The following ANKS1B variants were observed in gnomAD, a reference collection of about 807,000 sequenced individuals.
The protein encoded by ANKS1B is ankyrin repeat and sterile alpha motif domain containing 1B.
A neutral mutation model predicts 148.3 loss-of-function variants in ANKS1B; 36 were observed. The observed-to-expected ratio is 0.24, with a 90% CI of 0.19 to 0.32. The LOEUF is 0.32. Among genes scored for constraint, ANKS1B ranks in the 10% least tolerant of loss-of-function variants. The pLI, the probability that ANKS1B is intolerant of heterozygous loss-of-function variation, is 1.00. For missense variants in ANKS1B, 1,157 were observed against 1,542.6 expected, an observed-to-expected ratio of 0.75 and a Z score of 4.19; for synonymous variants, 542 against 560.8, an observed-to-expected ratio of 0.97 and a Z score of 0.47.
At chr12:99,066,772 C>A (rs1366938883) in intron 16 of ANKS1B, among the ~76,000 whole-genome samples, 1 of 152,138 alleles carries the variant, frequency 6.6e-6, no homozygotes, top group Non-Finnish European at 1.5e-5. Context: ...TGACGGTAGA[C>A]CAGCATAATT....
intron 17 of ANKS1B, among the ~76,000 whole-genome samples, chr12:98,863,307 G>A (rs2099608835): frequency 6.6e-6 from 1 of 152,180 alleles, no homozygotes; most frequent in African/African-American, 2.4e-5. Flanking sequence ...CAGCTCGGCT[G>A]GATCCCAGCT....
intron 1 of ANKS1B, among the ~76,000 whole-genome samples, chr12:99,855,461 G>T (rs1457931778): frequency 6.6e-6 from 1 of 152,040 alleles, no homozygotes; most frequent in Non-Finnish European, 1.5e-5. Flanking sequence ...GTCAATAACA[G>T]TGGGAAACTT....
chr12:99,859,357 G>T (rs898469414), intron 1 of ANKS1B, among the ~76,000 whole-genome samples: 1 of 152,146 alleles, frequency 6.6e-6, no homozygotes, highest in Non-Finnish European at 1.5e-5. Context: ...TCCACTGAGT[G>T]GTGTTCCAAG....
chr12:99,458,802 T>C (rs569041303), intron 10 of ANKS1B, among the ~76,000 whole-genome samples: 30 of 151,708 alleles, frequency 2.0e-4, no homozygotes, highest in Admixed American at 9.8e-4. Flanking sequence ...CAGGACCAGA[T>C]AGATACACAG....
chr12:99,573,624 T>C (rs1179785156), intron 9 of ANKS1B, among the ~76,000 whole-genome samples: 1 of 152,074 alleles, frequency 6.6e-6, no homozygotes, highest in East Asian at 1.9e-4. Context: ...TTTCCTACTC[T>C]TTATGATGAC....
chr12:99,808,724 C>A (rs951969480), intron 3 of ANKS1B, among the ~76,000 whole-genome samples: 1 of 152,050 alleles, frequency 6.6e-6, no homozygotes, highest in East Asian at 1.9e-4. Context: ...CAAATTTCCC[C>A]CTGGTCTGAA....
chr12:99,955,520 AAAAAAAAAG>A, intron 1 of ANKS1B, among the ~76,000 whole-genome samples: 1 of 145,936 alleles, frequency 6.9e-6, no homozygotes, highest in Non-Finnish European at 1.5e-5. Context: ...AAAAAAAAAA[AAAAAAAAAG>A]GCCTTCTCCT....
intron 9 of ANKS1B, among the ~76,000 whole-genome samples, chr12:99,620,790 T>C (rs1054701492): frequency 3.9e-5 from 6 of 152,124 alleles, no homozygotes; most frequent in African/African-American, 1.2e-4. Context: ...ATTATTGGCA[T>C]TGATGAGAGA....
intron 14 of ANKS1B, among the ~76,000 whole-genome samples, chr12:99,206,712 T>C (rs2082713769): frequency 6.6e-6 from 1 of 152,190 alleles, no homozygotes; most frequent in Non-Finnish European, 1.5e-5. Flanking sequence ...AATGTTTTCT[T>C]TGCCCCATTC....
chr12:99,323,277 C>T (rs916420346), intron 12 of ANKS1B, among the ~76,000 whole-genome samples: 10 of 152,188 alleles, frequency 6.6e-5, no homozygotes, highest in Non-Finnish European at 1.5e-4. Context: ...TATCCACTTC[C>T]ATTACAACGG....
At chr12:99,886,774 CAT>C (rs1370332905) in intron 1 of ANKS1B, among the ~76,000 whole-genome samples, 3 of 152,294 alleles carry the variant, frequency 2.0e-5, no homozygotes, top group East Asian at 1.9e-4. Context: ...AATACATCTA[CAT>C]ATGAGTCTAC....
At chr12:98,758,049 G>A (rs566320959) in intron 25 of ANKS1B, among the ~76,000 whole-genome samples, 5 of 152,180 alleles carry the variant, frequency 3.3e-5, no homozygotes, top group Middle Eastern at 3.4e-3. Context: ...AATACCATAC[G>A]CAGTACCCCC....
intron 1 of ANKS1B, among the ~76,000 whole-genome samples, chr12:99,869,410 A>C (rs544475259): frequency 6.6e-6 from 1 of 152,226 alleles, no homozygotes; most frequent in Admixed American, 6.5e-5. Context: ...ACGGTGGCTC[A>C]CGCCTGTAAT....
At chr12:98,785,424 C>G (rs970838047) in intron 22 of ANKS1B, among the ~76,000 whole-genome samples, 1 of 152,024 alleles carries the variant, frequency 6.6e-6, no homozygotes, top group Non-Finnish European at 1.5e-5. Flanking sequence ...GAGCCAAGAT[C>G]GCGCCACTGC....
chr12:99,044,213 A>AT lies in ANKS1B; in HGVS notation c.2778+8943dup, dbSNP rs879365227. Among the ~76,000 whole-genome samples the AT allele has an allele frequency of 3.4e-3, 502 of 148,338 alleles. 9 individuals are homozygous for AT. In the East Asian group the frequency reaches 0.064, roughly 19 times the overall value. ...TTAACAGAAATATAGCTGGATTAAAATTTTTTTTTTTTAGCAACAGGCTCT... is the reference window on the plus strand; with the variant it reads ...TTAACAGAAATATAGCTGGATTAAAATTTTTTTTTTTTTAGCAACAGGCTCT... On this transcript the variant is annotated intron_variant, in intron 17 of 26. Coordinates refer to ENST00000683438, the MANE Select transcript of ANKS1B (RefSeq NM_001352186.2).
In ANKS1B at chr12:99,311,125, G is replaced by A. The variant is rs4262807; in HGVS notation, c.1757-64261C>T. ...TGTATTAGAAAATGTATTTTCAGGT[G>A]GAACTATTACAAATTTCACCATTTC... On this transcript the variant is annotated intron_variant, in intron 12 of 26. Transcript: ENST00000683438. 3.3e-3 allele frequency among the ~76,000 whole-genome samples: 509 copies of A among 152,178 alleles called. 33 individuals are homozygous for A. In the East Asian group the frequency reaches 0.083, roughly 25 times the overall value.
chr12:99,086,972 C>T (rs2052085573), intron 15 of ANKS1B, among the ~76,000 whole-genome samples: 1 of 152,242 alleles, frequency 6.6e-6, no homozygotes, highest in South Asian at 2.1e-4. Flanking sequence ...TCTAGAGGCG[C>T]TGTGGGCATA....
intron 11 of ANKS1B, among the ~76,000 whole-genome samples, chr12:99,428,657 C>T (rs776980922): frequency 3.9e-5 from 6 of 152,096 alleles, no homozygotes; most frequent in Admixed American, 1.3e-4. Flanking sequence ...CACGTGCATA[C>T]GTATATGTAC....
rs368546132 is a variant in ANKS1B, at chr12:99,788,692, GACA to G, written c.670-6598_670-6596del. ...CTCTGCGTTCAGGCCTAGGCTCTTG[GACA>G]ACATTTCTGAATCTGTCCTGGACCA... On this transcript the variant is annotated intron_variant, in intron 4 of 26. Coordinates refer to ENST00000683438, the MANE Select transcript of ANKS1B (RefSeq NM_001352186.2). Among the ~76,000 whole-genome samples, 242 of 152,226 alleles carry G rather than the reference GACA, an allele frequency of 1.6e-3. 5 individuals are homozygous for G. The South Asian group carries it at 0.048, about 30-fold the overall frequency.
Sources: allele counts gnomAD v4.1 joint callset (sites outside exome capture counted in the v4.1 genomes callset), GRCh38; gene constraint gnomAD v4.1.1; transcripts MANE v1.5; gene names NCBI Gene and HGNC (gene_info 2026-07-23, HGNC 2026-07-21).